The following FAF1 variants were observed in gnomAD, a reference collection of about 807,000 sequenced individuals.
FAF1 encodes Fas associated factor 1, also known as FAS-associated factor 1.
In FAF1, 25 loss-of-function variants were observed where a neutral mutation model predicts 92.5. The ratio of observed to expected loss-of-function variants is 0.27; its 90% confidence interval spans 0.20 to 0.38. The LOEUF is 0.38. Among genes scored for constraint, FAF1 ranks in the 10% least tolerant of loss-of-function variants. FAF1 has a pLI of 1.00. For missense variants in FAF1, 636 were observed against 793.3 expected, an observed-to-expected ratio of 0.80 and a Z score of 2.38; for synonymous variants, 234 against 273.2, an observed-to-expected ratio of 0.86 and a Z score of 1.42.
In FAF1 at chr1:50,925,034, C is replaced by G. The variant is rs375844089; in HGVS notation, c.45+34733G>C. Among the ~76,000 whole-genome samples the G allele has an allele frequency of 1.5e-4, 23 of 152,210 alleles. No individual in the cohort carries two copies. The South Asian group carries it at 2.9e-3, about 19-fold the overall frequency. On this transcript the variant is annotated intron_variant, in intron 1 of 18. Coordinates refer to ENST00000396153, the MANE Select transcript of FAF1 (RefSeq NM_007051.3). Reference sequence around the variant, plus strand: ...TACATAGACCAACAGAACAGAGAACCTTGAAATTAAAAATATTAATAAATC... The same window carrying G: ...TACATAGACCAACAGAACAGAGAACGTTGAAATTAAAAATATTAATAAATC...
At chr1:50,825,243 C>A (rs1412904012) in intron 2 of FAF1, among the ~76,000 whole-genome samples, 4 of 151,954 alleles carry the variant, frequency 2.6e-5, no homozygotes, top group Admixed American at 2.0e-4. Context: ...GTGTCAATTT[C>A]TTTAATTGGG....
intron 9 of FAF1, among the ~76,000 whole-genome samples, chr1:50,589,741 A>G (rs1475141123): frequency 6.6e-6 from 1 of 152,178 alleles, no homozygotes; most frequent in Non-Finnish European, 1.5e-5. Flanking sequence ...TCATACCAAG[A>G]TATCATTGCC....
rs542983884 is a variant in FAF1 at position 50,841,378 on chromosome 1, G to A, written c.114+16551C>T. On this transcript the variant is annotated intron_variant, in intron 2 of 18. Coordinates refer to ENST00000396153, the MANE Select transcript of FAF1 (RefSeq NM_007051.3). ...CATGCTTATATATAGATCCCAGGAA[G>A]AAAAAAAAGACTAGAAGGAAACATA... 9.2e-5 allele frequency among the ~76,000 whole-genome samples: 14 copies of A among 151,544 alleles called. No individual in the cohort carries two copies. The South Asian group carries it at 2.9e-3, about 32-fold the overall frequency.
At chr1:50,906,916 G>A (rs567860317) in intron 1 of FAF1, among the ~76,000 whole-genome samples, 1 of 152,274 alleles carries the variant, frequency 6.6e-6, no homozygotes, top group African/African-American at 2.4e-5. Flanking sequence ...CCAACACTAT[G>A]TTGAAGAGGA....
intron 2 of FAF1, among the ~76,000 whole-genome samples, chr1:50,802,250 C>G (rs1662022838): frequency 6.6e-6 from 1 of 152,112 alleles, no homozygotes; most frequent in African/African-American, 2.4e-5. Context: ...GCCACTACGC[C>G]CAGCTAACTA....
At chr1:50,754,032 A>G (rs1422219689) in intron 4 of FAF1, among the ~76,000 whole-genome samples, 1 of 152,108 alleles carries the variant, frequency 6.6e-6, no homozygotes, top group African/African-American at 2.4e-5. Flanking sequence ...CTGGGATTAC[A>G]GACGTGAACC....
chr1:50,443,212 T>C (rs941270449), intron 18 of FAF1, among the ~76,000 whole-genome samples: 1 of 152,174 alleles, frequency 6.6e-6, no homozygotes, highest in African/African-American at 2.4e-5. Context: ...GAAACGATCA[T>C]TGTAATCGTG....
At chr1:50,718,798 G>C (rs1216669564) in intron 6 of FAF1, among the ~76,000 whole-genome samples, 5 of 151,660 alleles carry the variant, frequency 3.3e-5, no homozygotes, top group Non-Finnish European at 7.4e-5. Context: ...TGTCTCTTTA[G>C]GAATACTTTG....
intron 13 of FAF1, among the ~76,000 whole-genome samples, chr1:50,553,752 A>G (rs562861215): frequency 6.6e-6 from 1 of 152,308 alleles, no homozygotes; most frequent in South Asian, 2.1e-4. Flanking sequence ...AATGAGAACT[A>G]GAGTTACATT....
chr1:50,483,633 T>C, intron 17 of FAF1, among the ~76,000 whole-genome samples: 1 of 152,144 alleles, frequency 6.6e-6, no homozygotes, highest in Non-Finnish European at 1.5e-5. Context: ...TTATTAAGAC[T>C]ATAGGAAAGG....
intron 1 of FAF1, among the ~76,000 whole-genome samples, chr1:50,914,320 C>T (rs920089403): frequency 6.6e-6 from 1 of 152,106 alleles, no homozygotes; most frequent in African/African-American, 2.4e-5. Context: ...AATAAGTATA[C>T]AAAACTATAT....
chr1:50,736,874 G>A (rs1328958472), intron 6 of FAF1, among the ~76,000 whole-genome samples: 2 of 146,160 alleles, frequency 1.4e-5, no homozygotes, highest in Non-Finnish European at 1.5e-5. Flanking sequence ...CATGGATTTT[G>A]TTTTGTTTTT....
At chr1:50,651,756 G>C (rs1287241567) in intron 8 of FAF1, among the ~76,000 whole-genome samples, 1 of 152,116 alleles carries the variant, frequency 6.6e-6, no homozygotes, top group African/African-American at 2.4e-5. Flanking sequence ...TAAGCTGTGA[G>C]GACTATTTTG....
intron 15 of FAF1, among the ~76,000 whole-genome samples, chr1:50,526,840 T>C (rs1398667409): frequency 2.6e-5 from 4 of 151,896 alleles, no homozygotes; most frequent in African/African-American, 9.7e-5. Flanking sequence ...CTTGCTAACA[T>C]TTGTTGTTAC....
intron 2 of FAF1, among the ~76,000 whole-genome samples, chr1:50,827,616 A>C (rs912760891): frequency 4.6e-5 from 7 of 152,034 alleles, no homozygotes; most frequent in Non-Finnish European, 8.8e-5. Flanking sequence ...AACACCCAAG[A>C]ATGATCAATA....
rs912637483 is a variant in FAF1 at position 50,660,535 on chromosome 1, C to T, written c.658-5007G>A. Among the ~76,000 whole-genome samples, 9 of 151,006 alleles carry T rather than the reference C, an allele frequency of 6.0e-5. No individual in the cohort carries two copies. The South Asian group carries it at 1.3e-3, about 21-fold the overall frequency. On this transcript the variant is annotated intron_variant, in intron 7 of 18. Coordinates refer to ENST00000396153, the MANE Select transcript of FAF1 (RefSeq NM_007051.3). Reference sequence around the variant, plus strand: ...TTTTCCCAAGACAGTCTTGCTCTGTCGCCCAGGCCAGAGTGCAGTAGGTTC... The same window carrying T: ...TTTTCCCAAGACAGTCTTGCTCTGTTGCCCAGGCCAGAGTGCAGTAGGTTC...
chr1:50,791,610 T>C (rs1661567686), intron 3 of FAF1, among the ~76,000 whole-genome samples: 1 of 152,210 alleles, frequency 6.6e-6, no homozygotes, highest in African/African-American at 2.4e-5. Context: ...CTTCTTGATA[T>C]TCCCTTAGAC....
chr1:50,846,436 C>T (rs532696513), intron 2 of FAF1: 25 of 402,118 alleles, frequency 6.2e-5, no homozygotes, highest in Non-Finnish European at 9.6e-5. Flanking sequence ...GGAACCAGCT[C>T]GCTTCCGAGC....
chr1:50,930,659 C>T (rs947957380), intron 1 of FAF1, among the ~76,000 whole-genome samples: 1 of 152,132 alleles, frequency 6.6e-6, no homozygotes, highest in Non-Finnish European at 1.5e-5. Context: ...CACAGTGAAA[C>T]CCCGTCTCTA....
Sources: allele counts gnomAD v4.1 joint callset (sites outside exome capture counted in the v4.1 genomes callset), GRCh38; gene constraint gnomAD v4.1.1; transcripts MANE v1.5; gene names NCBI Gene and HGNC (gene_info 2026-07-23, HGNC 2026-07-21).